The following ZFHX3 variants were observed in gnomAD, a reference collection of about 807,000 sequenced individuals.
ZFHX3 encodes the protein zinc finger homeobox 3, also known as zinc finger homeobox protein 3.
A neutral mutation model predicts 279.1 loss-of-function variants in ZFHX3; 42 were observed. The observed-to-expected ratio is 0.15, with a 90% CI of 0.12 to 0.19. The LOEUF (loss-of-function observed/expected upper bound fraction) is 0.19. ZFHX3 is among the 10% of genes least tolerant of loss of function. The pLI is 1.00. For missense variants in ZFHX3, 4,981 were observed against 4,754.0 expected, an observed-to-expected ratio of 1.05 and a Z score of -1.40; for synonymous variants, 2,293 against 1,957.8, an observed-to-expected ratio of 1.17 and a Z score of -4.52.
intron 2 of ZFHX3, among the ~76,000 whole-genome samples, chr16:73,509,521 C>CT (rs531436437): frequency 0.033 from 3,415 of 102,914 alleles, 90 homozygotes; most frequent in Middle Eastern, 0.066. Flanking sequence ...TTTCCCTCTC[C>CT]TTTTTTTTTT....
intron 4 of ZFHX3, among the ~76,000 whole-genome samples, chr16:73,309,906 CTTTTTTTTT>C (rs57812149): frequency 2.2e-4 from 25 of 114,408 alleles, no homozygotes; most frequent in Non-Finnish European, 2.3e-4. Context: ...TTTTTCTTGC[CTTTTTTTTT>C]TTTTTTTTTT....
intron 1 of ZFHX3, among the ~76,000 whole-genome samples, chr16:72,971,797 C>T (rs1962114170): frequency 6.6e-6 from 1 of 151,692 alleles, no homozygotes; most frequent in Non-Finnish European, 1.5e-5. Flanking sequence ...CTCATTTTAA[C>T]TCACATTCTT....
intron 7 of ZFHX3, among the ~76,000 whole-genome samples, chr16:72,804,370 C>G (rs144498304): frequency 6.6e-6 from 1 of 152,094 alleles, no homozygotes; most frequent in Non-Finnish European, 1.5e-5. Context: ...AATAAATAAC[C>G]CTTTAGAGGT....
chr16:73,078,699 C>T (rs1247402943), intron 8 of ZFHX3, among the ~76,000 whole-genome samples: 5 of 151,440 alleles, frequency 3.3e-5, no homozygotes, highest in African/African-American at 1.2e-4. Flanking sequence ...GGCTGGAGTG[C>T]AGTGGCGCAA....
chr16:73,045,441 C>A (rs1406230525), intron 1 of ZFHX3, among the ~76,000 whole-genome samples: 1 of 152,120 alleles, frequency 6.6e-6, no homozygotes, highest in Non-Finnish European at 1.5e-5. Context: ...GTTGACACAG[C>A]AGTTAAATTC....
intron 3 of ZFHX3, among the ~76,000 whole-genome samples, chr16:73,404,017 C>A (rs2017309573): frequency 1.3e-5 from 2 of 152,016 alleles, no homozygotes; most frequent in Admixed American, 6.6e-5. Context: ...CTTTGGGAAC[C>A]CCATAAATTC....
At chr16:73,862,233 G>A (rs545039493) in intron 1 of ZFHX3, among the ~76,000 whole-genome samples, 5 of 152,172 alleles carry the variant, frequency 3.3e-5, no homozygotes, top group African/African-American at 4.8e-5. Context: ...TCTAGGTTCC[G>A]TCCTGGAAGC....
intron 2 of ZFHX3, among the ~76,000 whole-genome samples, chr16:73,675,657 C>G (rs1293452116): frequency 6.6e-6 from 1 of 151,942 alleles, no homozygotes; most frequent in Non-Finnish European, 1.5e-5. Context: ...TAAGCTAAAA[C>G]AGATGAAAAT....
At chr16:73,312,684 C>T (rs999942609) in intron 4 of ZFHX3, among the ~76,000 whole-genome samples, 1 of 152,186 alleles carries the variant, frequency 6.6e-6, no homozygotes, top group African/African-American at 2.4e-5. Context: ...TCCTCATAGC[C>T]ACCTTGCAAG....
At chr16:73,317,777 A>G (rs1230850344) in intron 4 of ZFHX3, among the ~76,000 whole-genome samples, 1 of 152,198 alleles carries the variant, frequency 6.6e-6, no homozygotes, top group African/African-American at 2.4e-5. Context: ...TGTTTGGAGA[A>G]TGTGATAAAT....
intron 3 of ZFHX3, among the ~76,000 whole-genome samples, chr16:73,423,902 G>T (rs2017764291): frequency 6.6e-6 from 1 of 150,910 alleles, no homozygotes; most frequent in Non-Finnish European, 1.5e-5. Flanking sequence ...AGAAATTGAT[G>T]CTTCCTTTGT....
intron 2 of ZFHX3, among the ~76,000 whole-genome samples, chr16:73,515,672 C>A (rs2077342562): frequency 6.6e-6 from 1 of 152,128 alleles, no homozygotes; most frequent in Non-Finnish European, 1.5e-5. Context: ...GTACGTAATA[C>A]TGAAGAGGCT....
rs568946497 is a variant in ZFHX3, at chr16:73,787,467, G to A, written c.-1608+104184C>T. On this transcript the variant is annotated intron_variant, in intron 1 of 17. Coordinates refer to the ZFHX3 transcript ENST00000641206. ...ATATAAGTACTGTTCAGCTGTCCAG[G>A]ATGTTCCATGGCCTGGCATGTTCTG... is the stretch of plus-strand genomic sequence containing the variant. Among the ~76,000 whole-genome samples the A allele has an allele frequency of 2.1e-4, 32 of 152,266 alleles. No individual in the cohort carries two copies. In the South Asian group the frequency reaches 5.8e-3, roughly 28 times the overall value.
chr16:73,294,692 T>C (rs1481385828), intron 4 of ZFHX3, among the ~76,000 whole-genome samples: 3 of 151,914 alleles, frequency 2.0e-5, no homozygotes, highest in Non-Finnish European at 4.4e-5. Context: ...GTGCCTGTAA[T>C]TCCAGCTACT....
At chr16:73,766,766 C>T (rs1253160660) in intron 1 of ZFHX3, among the ~76,000 whole-genome samples, 1 of 152,006 alleles carries the variant, frequency 6.6e-6, no homozygotes, top group African/African-American at 2.4e-5. Context: ...CAGGAGTTGT[C>T]GCCACTCACT....
chr16:73,528,430 A>G (rs1447198016), intron 2 of ZFHX3, among the ~76,000 whole-genome samples: 2 of 152,216 alleles, frequency 1.3e-5, no homozygotes, highest in African/African-American at 4.8e-5. Context: ...ACAACTATTT[A>G]TTGAGGATGC....
At chr16:73,644,984 T>C (rs955963428) in intron 2 of ZFHX3, among the ~76,000 whole-genome samples, 8 of 152,150 alleles carry the variant, frequency 5.3e-5, no homozygotes, top group African/African-American at 1.9e-4. Context: ...GATGAGGAAA[T>C]AGTGCTGAAT....
At chr16:73,067,546 G>C (rs1316479753) in intron 8 of ZFHX3, among the ~76,000 whole-genome samples, 5 of 152,196 alleles carry the variant, frequency 3.3e-5, no homozygotes, top group African/African-American at 1.2e-4. Flanking sequence ...GGCTGGTTGA[G>C]ACCTCAGTTT....
At chr16:73,670,741 TTTGCAAATGACTC>T (rs2052896597) in intron 2 of ZFHX3, among the ~76,000 whole-genome samples, 1 of 152,212 alleles carries the variant, frequency 6.6e-6, no homozygotes, top group East Asian at 1.9e-4. Context: ...TACTGTGACA[TTTGCAAATGACTC>T]TTTTTTCCTT....
Sources: gnomAD v4.1 joint callset for allele counts (sites outside exome capture counted in the v4.1 genomes callset) on GRCh38, gnomAD v4.1.1 for gene constraint, MANE v1.5 for transcripts, NCBI Gene and HGNC (gene_info 2026-07-23, HGNC 2026-07-21) for gene names.